The following AHRR variants were observed in gnomAD, a reference collection of about 807,000 sequenced individuals.
The protein encoded by AHRR is ahR repressor.
In AHRR, 28 loss-of-function variants were observed where a neutral mutation model predicts 44.0. The ratio of observed to expected loss-of-function variants is 0.64; its 90% confidence interval spans 0.47 to 0.87. The LOEUF (loss-of-function observed/expected upper bound fraction) is 0.87, where lower values mean the gene tolerates loss of function less well. AHRR is among the 40% of genes least tolerant of loss of function. AHRR has a pLI of 0.00. For missense variants in AHRR, 990 were observed against 953.9 expected (o/e 1.04, Z -0.50); for synonymous variants, 434 against 407.0 (o/e 1.07, Z -0.80).
chr5:339,207 T>G (rs1311625303), intron 1 of AHRR, among the ~76,000 whole-genome samples: 3 of 152,206 alleles, frequency 2.0e-5, no homozygotes, highest in Non-Finnish European at 2.9e-5. Flanking sequence ...CTCAATGTCC[T>G]GGGCTCAAGT....
chr5:340,664 T>TTATATATATATATATATATATA lies in AHRR; in HGVS notation c.-10-3225_-10-3204dup, dbSNP rs201426173. On this transcript the variant is annotated intron_variant, in intron 1 of 10. Coordinates refer to ENST00000684583, the MANE Select transcript of AHRR (RefSeq NM_001377236.1). ...GGACGCAATTATGTTCACAGCAATA[T>TTATATATATATATATATATATA]TATATATATATATATATATATATAT... Among the ~76,000 whole-genome samples, 30 of 31,942 alleles carry TTATATATATATATATATATATA rather than the reference T, an allele frequency of 9.4e-4. 2 individuals carry two copies. Among genetic ancestry groups the TTATATATATATATATATATATA allele is most frequent in the African/African-American group, 1.8e-3 (8 of 4,526 alleles). The allele number at this position is 31,942 out of a possible 152,430, so 21.0% of individuals were successfully genotyped here.
At chr5:425,317 A>T (rs760755490) in intron 7 of AHRR, among the ~76,000 whole-genome samples, 1 of 152,028 alleles carries the variant, frequency 6.6e-6, no homozygotes, top group East Asian at 1.9e-4. Flanking sequence ...ATAAAGTTTT[A>T]TTTATTTATT....
chr5:429,213 C>G (rs1056094946), intron 8 of AHRR, among the ~76,000 whole-genome samples: 3 of 151,676 alleles, frequency 2.0e-5, no homozygotes, highest in African/African-American at 7.2e-5. Context: ...GCCAGGATGC[C>G]AGAGATCCAA....
chr5:330,903 T>G (rs1741888149), intron 1 of AHRR, among the ~76,000 whole-genome samples: 1 of 138,324 alleles, frequency 7.2e-6, no homozygotes, highest in Non-Finnish European at 1.5e-5. Context: ...AGACAGAGTC[T>G]CGGTCTGTCA....
Position 434,088 on chromosome 5 carries a change from T to C in AHRR, c.1348T>C (p.Ser450Pro), listed in dbSNP as rs746509353. The change falls in exon 11 of 11, where the codon TCT becomes CCT. Residue 450 changes from serine (S) to proline (P), a missense_variant. Ser to Pro is a moderately conservative substitution (Grantham distance 74). Transcript: ENST00000684583. ...VQGTFRNSPI[S>P]HPPSPSPSAY... is the part of the protein sequence containing the mutation. ...GGGCACTTTCAGGAACTCGCCCATC[T>C]CTCACCCGCCGAGCCCGTCCCCCAG... 1.2e-6 allele frequency: 2 copies of C among 1,612,600 alleles called. No individual in the cohort carries two copies. Among genetic ancestry groups the C allele is most frequent in the Non-Finnish European group, 1.7e-6 (2 of 1,179,890 alleles).
intron 4 of AHRR, among the ~76,000 whole-genome samples, chr5:398,657 C>T (rs985821200): frequency 2.0e-5 from 3 of 152,208 alleles, no homozygotes; most frequent in East Asian, 1.9e-4. Context: ...TTTCAGGCGC[C>T]GTGCGTGCCC....
In AHRR at chr5:435,059, T is replaced by C. The variant is rs568917159; in HGVS notation, c.*225T>C. ...TAAATGAAAACTGGCCTTAAGTCTA[T>C]TCAAGCATGACAGCATTTCTCTTTG... On this transcript the variant is annotated 3_prime_UTR_variant, in exon 11 of 11. Transcript: ENST00000684583. The C allele has an allele frequency of 1.7e-6, 1 of 588,976 alleles. No homozygotes were observed. The highest frequency in any genetic ancestry group is 2.9e-5 in the East Asian group (1 of 34,436). The allele number at this position is 588,976 out of a possible 1,614,324, so 36.5% of individuals were successfully genotyped here.
intron 1 of AHRR, 45 bp from the exon 2 acceptor site, chr5:343,848 C>T (rs767794649): frequency 5.8e-5 from 90 of 1,558,396 alleles, no homozygotes; most frequent in Non-Finnish European, 7.7e-5. Flanking sequence ...GGGAACAGGG[C>T]GCACGTGGCG....
Position 342,731 on chromosome 5 carries a change from C to T in AHRR, c.-10-1162C>T, listed in dbSNP as rs1010592968. On this transcript the variant is annotated intron_variant, in intron 1 of 10. Coordinates refer to ENST00000684583, the MANE Select transcript of AHRR (RefSeq NM_001377236.1). This position sits in a 1 kb window ranked among gnomAD's most constrained non-coding sequence, Gnocchi z 4.3. ...GGGATGGTTACTGCACACAGGTCTGCAGAACGTTTGTGAGGGCTCAGCTGC... is the reference window on the plus strand; with the variant it reads ...GGGATGGTTACTGCACACAGGTCTGTAGAACGTTTGTGAGGGCTCAGCTGC... Among the ~76,000 whole-genome samples, 1 of 152,222 alleles carries T rather than the reference C, an allele frequency of 6.6e-6. No individual in the cohort carries two copies. The highest frequency in any genetic ancestry group is 2.4e-5 in the African/African-American group (1 of 41,448).
chr5:376,398 T>G (rs1733641684), intron 3 of AHRR, among the ~76,000 whole-genome samples: 2 of 93,214 alleles, frequency 2.1e-5, no homozygotes, highest in Non-Finnish European at 5.1e-5. Context: ...TCCTGGCTGA[T>G]CTGAGGCCTG....
intron 3 of AHRR, 137 bp from the exon 4 acceptor site, chr5:376,473 G>A: frequency 5.2e-5 from 1 of 19,168 alleles, no homozygotes; most frequent in South Asian, 8.6e-4. Flanking sequence ...GGCCTGCAGA[G>A]GGGTCAGTGC....
At chr5:390,549 C>T (rs1206800029) in intron 4 of AHRR, among the ~76,000 whole-genome samples, 1 of 152,048 alleles carries the variant, frequency 6.6e-6, no homozygotes, top group Non-Finnish European at 1.5e-5. Flanking sequence ...AGAGGTCTTT[C>T]CATGAGTAAA....
At position 395,616 on chromosome 5, in the gene AHRR, C is replaced by T. The variant is rs1401034273; in HGVS notation, c.352-17728C>T. Among the ~76,000 whole-genome samples the T allele has an allele frequency of 6.6e-6, 1 of 152,226 alleles. No homozygotes were observed. The highest frequency in any genetic ancestry group is 1.5e-5 in the Non-Finnish European group (1 of 68,040). ...GAACAGCCTTGCGTGTCTGGAAGCC[C>T]CAAGCCGCTCGGCAGACGGTCATCG... On this transcript the variant is annotated intron_variant, in intron 4 of 10. Coordinates refer to ENST00000684583, the MANE Select transcript of AHRR (RefSeq NM_001377236.1). The surrounding 1 kb of genome is among the most constrained non-coding windows in gnomAD (Gnocchi z 5.3).
chr5:345,484 GGGGA>G (rs1742628109), intron 2 of AHRR, among the ~76,000 whole-genome samples: 1 of 127,604 alleles, frequency 7.8e-6, no homozygotes, highest in Non-Finnish European at 1.8e-5. Flanking sequence ...GGCTGTGTGT[GGGGA>G]TGTGTGTATG....
chr5:397,840 C>T (rs1450147136), intron 4 of AHRR, among the ~76,000 whole-genome samples: 1 of 97,388 alleles, frequency 1.0e-5, no homozygotes. Context: ...CCATGTTAGC[C>T]CCTGACCATG....
Position 433,767 on chromosome 5 carries a change from G to A in AHRR, c.1113-86G>A, listed in dbSNP as rs550971958. ...GCAGATTTAGCATCGTCCTGATTTC[G>A]TAGCCTCCCTTAGAGACCCCCACCC... On this transcript the variant is annotated intron_variant, in intron 10 of 10. Coordinates refer to ENST00000684583, the MANE Select transcript of AHRR (RefSeq NM_001377236.1). 6.1e-5 allele frequency: 83 copies of A among 1,355,332 alleles called. 1 individual carries two copies. The highest frequency in any genetic ancestry group is 4.8e-4 in the South Asian group (26 of 53,674). The allele number at this position is 1,355,332 out of a possible 1,614,324, so 84.0% of individuals were successfully genotyped here.
chr5:344,964 T>TGGG (rs1553978916), intron 2 of AHRR, among the ~76,000 whole-genome samples: 4 of 65,482 alleles, frequency 6.1e-5, no homozygotes, highest in East Asian at 7.1e-4. Flanking sequence ...TGTGTGAGGT[T>TGGG]GGGGGCTGTG....
intron 4 of AHRR, among the ~76,000 whole-genome samples, chr5:390,132 T>C (rs1734351018): frequency 6.6e-6 from 1 of 152,120 alleles, no homozygotes; most frequent in Non-Finnish European, 1.5e-5. Flanking sequence ...GCCCGGCATC[T>C]GTGGCACAAC....
At chr5:432,218 C>G (rs142263907) in intron 8 of AHRR, 17 of 470,862 alleles carry the variant, frequency 3.6e-5, no homozygotes, top group Middle Eastern at 1.1e-3. Context: ...CTTTCTGAAG[C>G]AAATTCATTA....
Sources: allele counts gnomAD v4.1 joint callset (sites outside exome capture counted in the v4.1 genomes callset), GRCh38; gene constraint gnomAD v4.1.1; non-coding constraint Gnocchi (gnomAD v3.1); transcripts MANE v1.5; gene names NCBI Gene and HGNC (gene_info 2026-07-23, HGNC 2026-07-21).